The following SNX8 variants were observed in gnomAD, a reference collection of about 807,000 sequenced individuals.
SNX8 encodes the protein sorting nexin 8.
Under a neutral mutation model 51.6 loss-of-function variants are expected in SNX8, and 25 were observed. The observed-to-expected ratio is 0.48, with a 90% CI of 0.35 to 0.68. The LOEUF is 0.68. Ranked by LOEUF, SNX8 falls within the 30% of genes least tolerant of loss-of-function variation. The pLI, the probability that SNX8 is intolerant of heterozygous loss-of-function variation, is 0.00. For missense variants in SNX8, 695 were observed against 624.0 expected, an observed-to-expected ratio of 1.11 and a Z score of -1.21; for synonymous variants, 324 against 277.0, an observed-to-expected ratio of 1.17 and a Z score of -1.68.
At chr7:2,351,978 G>A (rs576385821) in intron 1 of SNX8, among the ~76,000 whole-genome samples, 45 of 126,966 alleles carry the variant, frequency 3.5e-4, no homozygotes, top group African/African-American at 1.2e-3. Flanking sequence ...TGCAATCTCC[G>A]CTCACTACGC....
chr7:2,255,861 G>A (rs949101910), intron 10 of SNX8, among the ~76,000 whole-genome samples: 1 of 152,214 alleles, frequency 6.6e-6, no homozygotes, highest in African/African-American at 2.4e-5. Flanking sequence ...GCGGCAGTGA[G>A]GCAGGGGTCA....
At chr7:2,340,144 C>A (rs1158145666) in intron 1 of SNX8, among the ~76,000 whole-genome samples, 1 of 151,830 alleles carries the variant, frequency 6.6e-6, no homozygotes, top group African/African-American at 2.4e-5. Flanking sequence ...CTCACTGCAA[C>A]CTCTACCTCC....
At chr7:2,274,171 G>A (rs529303601) in intron 3 of SNX8, among the ~76,000 whole-genome samples, 167 of 152,372 alleles carry the variant, frequency 1.1e-3, no homozygotes, top group African/African-American at 3.7e-3. Context: ...GCCCTTCAGC[G>A]TGAGCTGAAT....
intron 2 of SNX8, among the ~76,000 whole-genome samples, chr7:2,277,260 C>T (rs1795801381): frequency 6.6e-6 from 1 of 152,214 alleles, no homozygotes; most frequent in Admixed American, 6.5e-5. Context: ...TCCAGACGGG[C>T]ATCAGGCACT....
intron 1 of SNX8, among the ~76,000 whole-genome samples, chr7:2,287,210 T>C: frequency 6.6e-6 from 1 of 151,680 alleles, no homozygotes; most frequent in Middle Eastern, 3.4e-3. Flanking sequence ...CTCAAACTCC[T>C]GGGCTCAAGC....
chr7:2,272,903 G>A (rs939930610), intron 3 of SNX8, among the ~76,000 whole-genome samples: 41 of 151,794 alleles, frequency 2.7e-4, no homozygotes, highest in African/African-American at 7.5e-4. Flanking sequence ...GTGTCATCTC[G>A]GCTCACTGCA....
intron 5 of SNX8, among the ~76,000 whole-genome samples, chr7:2,268,153 G>A (rs1238207419): frequency 7.1e-6 from 1 of 141,148 alleles, no homozygotes; most frequent in Non-Finnish European, 1.6e-5. Flanking sequence ...CGCCCCATCC[G>A]GGAGGGAGGT....
intron 4 of SNX8, among the ~76,000 whole-genome samples, chr7:2,270,553 C>G (rs1017216419): frequency 5.9e-5 from 9 of 152,036 alleles, no homozygotes; most frequent in African/African-American, 2.2e-4. Context: ...GCCCCCAGAA[C>G]AGGGATATTG....
chr7:2,284,396 CTTTTT>C (rs751803296), intron 1 of SNX8, among the ~76,000 whole-genome samples: 32 of 88,912 alleles, frequency 3.6e-4, no homozygotes, highest in African/African-American at 8.9e-4. Context: ...CTTTTATTTC[CTTTTT>C]TTTTTTTTTT....
intron 1 of SNX8, among the ~76,000 whole-genome samples, chr7:2,310,599 C>T (rs1796640419): frequency 6.6e-6 from 1 of 152,098 alleles, no homozygotes; most frequent in Non-Finnish European, 1.5e-5. Flanking sequence ...AATGCCATCT[C>T]TACTAAAAAT....
intron 1 of SNX8, among the ~76,000 whole-genome samples, chr7:2,326,309 G>C (rs561281981): frequency 2.0e-5 from 3 of 152,058 alleles, no homozygotes; most frequent in African/African-American, 7.2e-5. Context: ...AGGTTGCAGT[G>C]AGCTGTGATC....
rs201590946 is a variant in SNX8, at chr7:2,314,400, G to A, written c.22C>T (p.Pro8Ser). MTGRAMDPLPAAAVGAAA... is the reference protein window; with the variant it reads MTGRAMDSLPAAAVGAAA... ...GCCCCGACTGCAGCCGCGGGCAGCG[G>A]GTCCATCGCGCGGCCAGTCATGTGA... The change falls in exon 1 of 11, where the codon CCG (proline) becomes TCG (serine). Residue 8 changes from proline to serine, a missense_variant. Physicochemically the swap from Pro to Ser is moderately conservative, Grantham distance 74 (BLOSUM62 -1). Coordinates refer to ENST00000222990, the MANE Select transcript of SNX8 (RefSeq NM_013321.4). The A allele has an allele frequency of 9.6e-4, 1,171 of 1,219,316 alleles. 7 individuals carry two copies. In the African/African-American group the frequency reaches 0.017, roughly 17 times the overall value. The allele number at this position is 1,219,316 out of a possible 1,614,324, so 75.5% of individuals were successfully genotyped here.
intron 5 of SNX8, among the ~76,000 whole-genome samples, chr7:2,266,880 G>T (rs1194700749): frequency 6.6e-6 from 1 of 152,194 alleles, no homozygotes; most frequent in Non-Finnish European, 1.5e-5. Flanking sequence ...AGCTACCTTA[G>T]TCTTTTTTGG....
At chr7:2,257,091 CAGCG>C in intron 9 of SNX8, 68 bp from the exon 10 acceptor site, 1 of 1,490,486 alleles carries the variant, frequency 6.7e-7, no homozygotes, top group Non-Finnish European at 9.0e-7. Flanking sequence ...GCCCGAACAC[CAGCG>C]TGCTCCCTGA....
chr7:2,281,263 A>G (rs1212994348), intron 1 of SNX8, among the ~76,000 whole-genome samples: 1 of 152,024 alleles, frequency 6.6e-6, no homozygotes, highest in Non-Finnish European at 1.5e-5. Context: ...CATCTCTACA[A>G]AAAATAAAAT....
intron 1 of SNX8, among the ~76,000 whole-genome samples, chr7:2,280,033 C>CTG (rs1795874807): frequency 6.6e-6 from 1 of 152,094 alleles, no homozygotes; most frequent in South Asian, 2.1e-4. Flanking sequence ...AAAAAGTCAT[C>CTG]TGGACAGACA....
intron 5 of SNX8, 37 bp downstream of exon 5, chr7:2,269,522 T>TA (rs1795589289): frequency 9.4e-7 from 1 of 1,065,658 alleles, no homozygotes; most frequent in Non-Finnish European, 1.3e-6. Context: ...AAAAAATAAA[T>TA]TAAAAAAAAA....
At chr7:2,261,424 C>T (rs908743394) in intron 7 of SNX8, among the ~76,000 whole-genome samples, 1 of 152,216 alleles carries the variant, frequency 6.6e-6, no homozygotes, top group Non-Finnish European at 1.5e-5. Context: ...CAGAGCGAGA[C>T]TCCGTCTCAA....
At chr7:2,313,392 G>A (rs1384283865) in intron 1 of SNX8, among the ~76,000 whole-genome samples, 1 of 151,846 alleles carries the variant, frequency 6.6e-6, no homozygotes, top group Non-Finnish European at 1.5e-5. Context: ...CGAGTGTCAT[G>A]GTGGATGCCT....
Sources: gnomAD v4.1 joint callset for allele counts (sites outside exome capture counted in the v4.1 genomes callset) on GRCh38, gnomAD v4.1.1 for gene constraint, MANE v1.5 for transcripts, NCBI Gene and HGNC (gene_info 2026-07-23, HGNC 2026-07-21) for gene names.